Variants in DOCK11 observed in about 807,000 individuals in gnomAD.
DOCK11 encodes the protein dedicator of cytokinesis 11.
In DOCK11, 70 loss-of-function variants were observed where a neutral mutation model predicts 169.1. That is an observed-to-expected ratio of 0.41 (90% CI 0.34 to 0.51). DOCK11 has a LOEUF of 0.51. Ranked by LOEUF, DOCK11 falls within the 20% of genes least tolerant of loss-of-function variation. The pLI, the probability that DOCK11 is intolerant of heterozygous loss-of-function variation, is 0.10. For missense variants in DOCK11, 1,166 were observed against 1,538.8 expected, an observed-to-expected ratio of 0.76 and a Z score of 4.05; for synonymous variants, 529 against 541.3, an observed-to-expected ratio of 0.98 and a Z score of 0.32.
At chrX:118,682,235 C>G (rs1011937204) in intron 51 of DOCK11, among the ~76,000 whole-genome samples, 3 of 110,225 alleles carry the variant, frequency 2.7e-5, no homozygotes, top group African/African-American at 9.9e-5. Context: ...CATGCAACAT[C>G]TTGTCTTCAG....
At position 118,496,049 on chromosome X, in the gene DOCK11, G is replaced by A. The variant is rs1268104239; in HGVS notation, c.78G>A (p.Glu26=). ...TAAELRQSVS[E]AVRGSVVLEK... is the part of the protein sequence containing the mutation. ...CTGAGCTCCGGCAGAGCGTGTCTGA[G>A]GCCGTGCGGGGCTCCGTGGTGCTGG... Residue 26 remains glutamate, a synonymous_variant, in exon 1 of 53, where the codon GAG becomes GAA. Transcript: ENST00000276202. 1.0e-5 allele frequency: 11 copies of A among 1,070,717 alleles called. No homozygotes were observed. The highest frequency in any genetic ancestry group is 1.3e-5 in the Non-Finnish European group (11 of 830,787). The allele number at this position is 1,070,717 out of a possible 1,213,427, so 88.2% of individuals were successfully genotyped here.
chrX:118,619,873 AGTG>A (rs967716896), intron 31 of DOCK11, among the ~76,000 whole-genome samples: 1 of 105,664 alleles, frequency 9.5e-6, no homozygotes, highest in African/African-American at 3.5e-5. Context: ...GCTGGAGTGC[AGTG>A]GTGCGATCTC....
intron 1 of DOCK11, among the ~76,000 whole-genome samples, chrX:118,538,282 C>T (rs1314935969): frequency 8.9e-6 from 1 of 111,907 alleles, no homozygotes; most frequent in Non-Finnish European, 1.9e-5. Flanking sequence ...GACAGATGAA[C>T]TTAGGCCTCT....
intron 44 of DOCK11, among the ~76,000 whole-genome samples, chrX:118,661,644 A>T (rs1173220282): frequency 8.9e-6 from 1 of 111,828 alleles, no homozygotes; most frequent in African/African-American, 3.3e-5. Flanking sequence ...TTTTCATTGA[A>T]ACGTTTTCAA....
intron 32 of DOCK11, among the ~76,000 whole-genome samples, chrX:118,626,972 G>A (rs2015121366): frequency 5.3e-5 from 6 of 112,689 alleles, no homozygotes; most frequent in Admixed American, 4.7e-4. Flanking sequence ...GCACATGCCT[G>A]TAATCCCAGC....
intron 12 of DOCK11, among the ~76,000 whole-genome samples, chrX:118,576,803 G>A (rs1366055017): frequency 8.9e-6 from 1 of 112,337 alleles, no homozygotes; most frequent in Non-Finnish European, 1.9e-5. Flanking sequence ...GAAACAATAG[G>A]TGCTCAGTAA....
At position 118,588,444 on chromosome X, in the gene DOCK11, G is replaced by A. The variant is rs756491557; in HGVS notation, c.2012G>A (p.Arg671Gln). ...ARNIAVCVEF[R>Q]DSDESDASAL... is the part of the protein sequence containing the mutation. ...AACATTGCAGTCTGTGTGGAATTCC[G>A]GGATTCAGATGAAAGTGACGCTAGT... The change falls in exon 18 of 53, where the codon CGG (arginine) becomes CAG (glutamine). Residue 671 changes from arginine (R) to glutamine (Q), a missense_variant. Arg to Gln is a conservative substitution (Grantham distance 43, BLOSUM62 1). Coordinates refer to ENST00000276202, the MANE Select transcript of DOCK11 (RefSeq NM_144658.4). The A allele has an allele frequency of 1.3e-5, 15 of 1,191,738 alleles. No homozygotes were observed. Among genetic ancestry groups the A allele is most frequent in the African/African-American group, 1.8e-5 (1 of 57,035 alleles).
intron 1 of DOCK11, among the ~76,000 whole-genome samples, chrX:118,528,260 C>T (rs1053986185): frequency 8.9e-6 from 1 of 112,455 alleles, no homozygotes. Context: ...CGCCCCACCC[C>T]TGGCACCCAG....
At chrX:118,654,881 C>A (rs1265264047) in intron 43 of DOCK11, 23 bp from the exon 44 acceptor site, 1 of 1,206,137 alleles carries the variant, frequency 8.3e-7, no homozygotes, top group Non-Finnish European at 1.1e-6. Context: ...TCTGACAGTT[C>A]TTTCTCTGTC....
intron 13 of DOCK11, among the ~76,000 whole-genome samples, chrX:118,579,832 G>A (rs1356155928): frequency 8.9e-6 from 1 of 111,990 alleles, no homozygotes; most frequent in Non-Finnish European, 1.9e-5. Context: ...AGAGGTCTTG[G>A]TTCAAAGTGT....
At chrX:118,683,977 C>T (rs1052035087) in intron 52 of DOCK11, among the ~76,000 whole-genome samples, 5 of 111,942 alleles carry the variant, frequency 4.5e-5, no homozygotes, top group African/African-American at 1.6e-4. Context: ...CATTATGAAA[C>T]ATATTTGGGT....
intron 1 of DOCK11, among the ~76,000 whole-genome samples, chrX:118,530,709 T>G (rs949966546): frequency 4.5e-5 from 5 of 112,246 alleles, no homozygotes; most frequent in African/African-American, 1.3e-4. Context: ...CTCCCTTCCC[T>G]GTGTCTGCAT....
chrX:118,663,894 C>T (rs1311282586), intron 45 of DOCK11, among the ~76,000 whole-genome samples: 3 of 109,277 alleles, frequency 2.7e-5, no homozygotes, highest in Non-Finnish European at 3.8e-5. Flanking sequence ...AGGATGGTCT[C>T]GATCTCTTGA....
chrX:118,647,796 A>AAT (rs752465480), intron 40 of DOCK11, among the ~76,000 whole-genome samples: 15,716 of 40,774 alleles, frequency 0.39, 2,674 homozygotes, highest in African/African-American at 0.64. Context: ...AATATATTAT[A>AAT]ATATATAATA....
chrX:118,643,668 A>C, intron 40 of DOCK11, 74 bp downstream of exon 40: 1 of 1,100,599 alleles, frequency 9.1e-7, no homozygotes, highest in South Asian at 2.0e-5. Context: ...AATGGGGGTC[A>C]TTGTGGTGAC....
intron 37 of DOCK11, among the ~76,000 whole-genome samples, chrX:118,639,012 C>G (rs1377615363): frequency 1.8e-5 from 2 of 112,602 alleles, no homozygotes; most frequent in Admixed American, 9.4e-5. Flanking sequence ...GTAAAAATTT[C>G]TAATCCAAAC....
chrX:118,657,056 T>C (rs1205912099), intron 44 of DOCK11, among the ~76,000 whole-genome samples: 4 of 112,229 alleles, frequency 3.6e-5, no homozygotes, highest in Non-Finnish European at 7.5e-5. Context: ...TTTGTTTTTT[T>C]CACAAGTGCA....
At chrX:118,647,927 TAAA>T (rs1294679871) in intron 40 of DOCK11, among the ~76,000 whole-genome samples, 1 of 37,113 alleles carries the variant, frequency 2.7e-5, no homozygotes, top group African/African-American at 1.8e-4. Flanking sequence ...TTATATATAA[TAAA>T]TAATATATTT....
At chrX:118,583,710 T>C (rs2013728484) in intron 14 of DOCK11, among the ~76,000 whole-genome samples, 1 of 111,501 alleles carries the variant, frequency 9.0e-6, no homozygotes, top group Non-Finnish European at 1.9e-5. Flanking sequence ...TTCCAGGATC[T>C]CCCACAGATA....
Sources: gnomAD v4.1 joint callset for allele counts (sites outside exome capture counted in the v4.1 genomes callset) on GRCh38, gnomAD v4.1.1 for gene constraint, MANE v1.5 for transcripts, NCBI Gene and HGNC (gene_info 2026-07-23, HGNC 2026-07-21) for gene names.